SMCHD1: variants seen among roughly 807,000 people sequenced by gnomAD.
The protein encoded by SMCHD1 is structural maintenance of chromosomes flexible hinge domain-containing protein 1.
Under a neutral mutation model 254.7 loss-of-function variants are expected in SMCHD1, and 78 were observed. That is an observed-to-expected ratio of 0.31 (90% CI 0.26 to 0.37). The LOEUF (loss-of-function observed/expected upper bound fraction) is 0.37, where lower values mean the gene tolerates loss of function less well. Ranked by LOEUF, SMCHD1 falls within the 10% of genes least tolerant of loss-of-function variation. The pLI is 1.00. For synonymous variants in SMCHD1, 766 were observed against 794.9 expected (o/e 0.96, Z 0.61); for missense variants, 1,840 against 2,408.1 (o/e 0.76, Z 4.94).
chr18:2,750,343 T>A lies in SMCHD1; in HGVS notation c.4008-7T>A. ...ATTTGAACCCCTCTCCTCTTTTGTT[T>A]TGTTAGGGGAGAGCATACTCTTCAG... On this transcript the variant is annotated splice_polypyrimidine_tract_variant and splice_region_variant and intron_variant, in intron 31 of 47. Transcript: ENST00000320876. 1 of 1,594,212 alleles carries A rather than the reference T, an allele frequency of 6.3e-7. No individual in the cohort carries two copies. Among genetic ancestry groups the A allele is most frequent in the East Asian group, 2.2e-5 (1 of 44,670 alleles).
At chr18:2,793,364 G>T (rs4797084) in intron 45 of SMCHD1, among the ~76,000 whole-genome samples, 1 of 151,976 alleles carries the variant, frequency 6.6e-6, no homozygotes, top group Non-Finnish European at 1.5e-5. Context: ...TTTTATGTAC[G>T]TAGAAAACAT....
intron 44 of SMCHD1, among the ~76,000 whole-genome samples, chr18:2,783,720 G>A (rs1252732613): frequency 3.3e-5 from 5 of 151,874 alleles, no homozygotes; most frequent in Admixed American, 3.3e-4. Context: ...TTACAGGCAC[G>A]TGCCACCATG....
In SMCHD1 at chr18:2,671,973, C is replaced by A. The variant is rs183312143; in HGVS notation, c.425-1308C>A. Among the ~76,000 whole-genome samples the A allele has an allele frequency of 2.1e-4, 32 of 152,248 alleles. No homozygotes were observed. In the East Asian group the frequency reaches 5.4e-3, roughly 26 times the overall value. ...TGTACCTGTGTGATGAAGCAAATTT[C>A]TTTTTCCCCTCTTCTTTTTCATCTA... On this transcript the variant is annotated intron_variant, in intron 3 of 47. Coordinates refer to ENST00000320876, the MANE Select transcript of SMCHD1 (RefSeq NM_015295.3).
chr18:2,698,151 A>T, intron 10 of SMCHD1, 110 bp downstream of exon 10: 2 of 755,110 alleles, frequency 2.6e-6, no homozygotes, highest in South Asian at 2.3e-5. Flanking sequence ...TAAATATTAA[A>T]TTTTTTCTTA....
chr18:2,789,949 C>A (rs996156485), intron 45 of SMCHD1, among the ~76,000 whole-genome samples: 2 of 152,096 alleles, frequency 1.3e-5, no homozygotes, highest in Admixed American at 1.3e-4. Context: ...TTTGGGAGGC[C>A]GAGGCGGGTG....
At chr18:2,770,150 A>G in intron 39 of SMCHD1, 42 bp downstream of exon 39, 3 of 1,580,734 alleles carry the variant, frequency 1.9e-6, no homozygotes, top group Non-Finnish European at 2.6e-6. Flanking sequence ...TGCTTTGGGG[A>G]ATGATGAGGC....
At chr18:2,731,285 T>A (rs1012432918) in intron 24 of SMCHD1, among the ~76,000 whole-genome samples, 2 of 152,226 alleles carry the variant, frequency 1.3e-5, no homozygotes, top group African/African-American at 2.4e-5. Flanking sequence ...AAACTTATTT[T>A]AAATTTAGTG....
At chr18:2,752,385 G>A in intron 33 of SMCHD1, 103 bp from the exon 34 acceptor site, 1 of 728,414 alleles carries the variant, frequency 1.4e-6, no homozygotes, top group Non-Finnish European at 2.5e-6. Context: ...ATGGAATCCA[G>A]ATACACATTC....
chr18:2,713,066 A>G (rs946163236), intron 17 of SMCHD1, among the ~76,000 whole-genome samples: 2 of 152,204 alleles, frequency 1.3e-5, no homozygotes, highest in African/African-American at 4.8e-5. Context: ...GGAAAGCGTC[A>G]GGTAGTAAAT....
At chr18:2,668,834 G>A (rs1003113658) in intron 3 of SMCHD1, among the ~76,000 whole-genome samples, 3 of 152,002 alleles carry the variant, frequency 2.0e-5, no homozygotes, top group African/African-American at 7.2e-5. Flanking sequence ...TTTTCTTGAC[G>A]TGTTACTTGA....
At chr18:2,704,652 C>T (rs2074476076) in intron 13 of SMCHD1, among the ~76,000 whole-genome samples, 1 of 145,942 alleles carries the variant, frequency 6.9e-6, no homozygotes, top group Admixed American at 7.0e-5. Context: ...GCTGGAAGAA[C>T]AGAGCAGATC....
At chr18:2,726,720 T>C in intron 22 of SMCHD1, 196 bp downstream of exon 22, 1 of 277,604 alleles carries the variant, frequency 3.6e-6, no homozygotes, top group Non-Finnish European at 6.6e-6. Context: ...ATTGACATTC[T>C]GAATATAACC....
intron 5 of SMCHD1, among the ~76,000 whole-genome samples, chr18:2,684,732 T>TGTGTGTGTGTGTGTGA (rs534087695): frequency 1.3e-4 from 19 of 151,006 alleles, no homozygotes; most frequent in Non-Finnish European, 2.5e-4. Context: ...TGTGTGTGTG[T>TGTGTGTGTGTGTGTGA]GATTCCATTT....
rs1423438290 is a variant in SMCHD1, at chr18:2,694,631, G to T, written c.978G>T (p.Gly326=). The change falls in exon 8 of 48, where the codon GGG becomes GGT. Residue 326 remains glycine (G), a synonymous_variant. Coordinates refer to ENST00000320876, the MANE Select transcript of SMCHD1 (RefSeq NM_015295.3). ...GCTTTACTGCTGTGGTTATCACAGGGGTACAACCAGAACACATACAGTACT... is the reference window on the plus strand; with the variant it reads ...GCTTTACTGCTGTGGTTATCACAGGTGTACAACCAGAACACATACAGTACT... The part of the protein sequence containing the change: ...KDSFTAVVIT[G]VQPEHIQYLK... The T allele has an allele frequency of 6.2e-7, 1 of 1,613,058 alleles. No homozygotes were observed.
Position 2,706,404 on chromosome 18 carries a change from T to C in SMCHD1, c.1997T>C (p.Ile666Thr). 1 of 1,592,226 alleles carries C rather than the reference T, an allele frequency of 6.3e-7. No individual in the cohort carries two copies. The change falls in exon 15 of 48, where the codon ATT becomes ACT. Residue 666 changes from isoleucine to threonine, a missense_variant. By Grantham distance (89) the Ile-to-Thr change is moderately conservative. Around this residue, in one of 9 missense-constraint regions of SMCHD1, gnomAD observed 498 missense variants for 743.5 expected, o/e 0.67. Transcript: ENST00000320876. Reference sequence around the variant, plus strand: ...TATGATGAAGTAAGAACTGTGCCAATTGCAAAGCTGGATAGGACAGTTGCT... The same window carrying C: ...TATGATGAAGTAAGAACTGTGCCAACTGCAAAGCTGGATAGGACAGTTGCT... Reference protein sequence around the residue: ...ALYDEVRTVPIAKLDRTVAEK... With the variant: ...ALYDEVRTVPTAKLDRTVAEK...
At chr18:2,749,640 T>TGATGC (rs1222534752) in intron 30 of SMCHD1, among the ~76,000 whole-genome samples, 2 of 152,210 alleles carry the variant, frequency 1.3e-5, no homozygotes, top group Admixed American at 6.6e-5. Context: ...GATAGTGCTA[T>TGATGC]GATGCTTTGA....
chr18:2,743,397 A>G (rs2075387880), intron 28 of SMCHD1, among the ~76,000 whole-genome samples: 3 of 137,704 alleles, frequency 2.2e-5, no homozygotes, highest in Middle Eastern at 3.6e-3. Context: ...ACAAAAATCT[A>G]AAGACAAACA....
chr18:2,664,924 A>G (rs1372857920), intron 1 of SMCHD1, among the ~76,000 whole-genome samples: 3 of 152,238 alleles, frequency 2.0e-5, no homozygotes, highest in Non-Finnish European at 2.9e-5. Flanking sequence ...CAGTGTTCAG[A>G]GTGACAAGTT....
intron 17 of SMCHD1, among the ~76,000 whole-genome samples, chr18:2,717,410 C>T (rs1250161260): frequency 6.6e-6 from 1 of 152,108 alleles, no homozygotes; most frequent in Middle Eastern, 3.2e-3. Flanking sequence ...CTTCATAGCT[C>T]GCTGTGGCCT....
Sources: allele counts gnomAD v4.1 joint callset (sites outside exome capture counted in the v4.1 genomes callset), GRCh38; gene constraint gnomAD v4.1.1; regional missense constraint gnomAD v4.1.1; transcripts MANE v1.5; gene names NCBI Gene and HGNC (gene_info 2026-07-23, HGNC 2026-07-21).